Variants in MROH2B observed in about 807,000 individuals in gnomAD.
MROH2B encodes maestro heat-like repeat-containing protein family member 2B.
A neutral mutation model predicts 208.6 loss-of-function variants in MROH2B; 177 were observed. The observed-to-expected ratio is 0.85, with a 90% CI of 0.75 to 0.96. MROH2B has a LOEUF of 0.96. Among genes scored for constraint, MROH2B ranks in the 40% least tolerant of loss-of-function variants. The pLI is 0.00. For synonymous variants in MROH2B, 728 were observed against 659.0 expected, an observed-to-expected ratio of 1.10 and a Z score of -1.60; for missense variants, 2,002 against 1,878.7, an observed-to-expected ratio of 1.07 and a Z score of -1.21.
At chr5:41,021,313 C>G (rs777898476) in intron 24 of MROH2B, among the ~76,000 whole-genome samples, 1 of 152,134 alleles carries the variant, frequency 6.6e-6, no homozygotes, top group Non-Finnish European at 1.5e-5. Flanking sequence ...GAATGACATC[C>G]TTTGTTCACG....
intron 37 of MROH2B, among the ~76,000 whole-genome samples, chr5:41,001,473 A>G (rs1396740201): frequency 2.6e-5 from 4 of 152,080 alleles, no homozygotes; most frequent in Non-Finnish European, 4.4e-5. Flanking sequence ...GCACTTTGGG[A>G]GCAGAGGCAG....
At chr5:41,051,126 C>T in intron 12 of MROH2B, 36 bp from the exon 13 acceptor site, 1 of 1,395,186 alleles carries the variant, frequency 7.2e-7, no homozygotes, top group South Asian at 1.6e-5. Context: ...TTGTTAATGA[C>T]TCCTAAGGTT....
At chr5:41,062,604 T>C (rs140223452) in intron 5 of MROH2B, among the ~76,000 whole-genome samples, 1 of 152,344 alleles carries the variant, frequency 6.6e-6, no homozygotes, top group East Asian at 1.9e-4. Context: ...AATAATAATA[T>C]TATTTTCTTC....
intron 20 of MROH2B, 108 bp from the exon 21 acceptor site, chr5:41,038,996 C>T: frequency 2.0e-6 from 2 of 993,868 alleles, no homozygotes; most frequent in East Asian, 2.4e-5. Flanking sequence ...AGAAACTGGA[C>T]TGGGATGATT....
chr5:41,051,119 T>C (rs202214517), intron 12 of MROH2B, 29 bp from the exon 13 acceptor site: 157 of 1,445,344 alleles, frequency 1.1e-4, no homozygotes, highest in Non-Finnish European at 1.3e-4. Context: ...AGGTGACTTG[T>C]TAATGACTCC....
At chr5:41,027,349 T>C (rs929032971) in intron 24 of MROH2B, among the ~76,000 whole-genome samples, 2 of 151,796 alleles carry the variant, frequency 1.3e-5, no homozygotes, top group Non-Finnish European at 2.9e-5. Flanking sequence ...CAAGGAAAAA[T>C]CAAACAACCC....
chr5:41,058,651 T>C (rs905698757), intron 6 of MROH2B, among the ~76,000 whole-genome samples: 2 of 152,100 alleles, frequency 1.3e-5, no homozygotes, highest in African/African-American at 4.8e-5. Flanking sequence ...TTTTATTTTA[T>C]TTTATTGTAT....
rs1257544559 is a variant in MROH2B, at chr5:41,071,111, A to G, written c.-259T>C. On this transcript the variant is annotated 5_prime_UTR_variant, in exon 1 of 42. The change abolishes an upstream ATG in the 5' untranslated region. Transcript: ENST00000399564. ...TCCTGCTAACCAACAAAATGGCTGC[A>G]TCTCACCAAATATTGTCCCTTTGGT... The G allele has an allele frequency of 2.3e-6, 1 of 432,264 alleles. No individual in the cohort carries two copies. The highest frequency in any genetic ancestry group is 4.2e-6 in the Non-Finnish European group (1 of 240,922). 26.8% of individuals were successfully genotyped at this position (432,264 alleles called of 1,614,324 possible).
At chr5:41,032,252 A>T (rs1742595887) in intron 24 of MROH2B, among the ~76,000 whole-genome samples, 1 of 152,030 alleles carries the variant, frequency 6.6e-6, no homozygotes. Context: ...AGTTTTTAGT[A>T]ATAGCCATTC....
intron 24 of MROH2B, among the ~76,000 whole-genome samples, chr5:41,031,831 T>C (rs1742581261): frequency 6.6e-6 from 1 of 152,110 alleles, no homozygotes; most frequent in African/African-American, 2.4e-5. Context: ...AAATTAGTGG[T>C]ATTTGGTTTT....
rs1230632961 is a variant in MROH2B at position 41,067,148 on chromosome 5, C to T, written c.161G>A (p.Arg54Gln). Residue 54 changes from arginine to glutamine, a missense_variant, in exon 3 of 42, where the codon CGA (arginine) becomes CAA (glutamine). Coordinates refer to ENST00000399564, the MANE Select transcript of MROH2B (RefSeq NM_173489.5). ...TDILDDAIVQ[R>Q]LIYYASKDMR... ...ATCCTTAGAAGCATAATAAATCAATCGTTGGACAATTGCATCATCCAAGAT... is the reference window on the plus strand; with the variant it reads ...ATCCTTAGAAGCATAATAAATCAATTGTTGGACAATTGCATCATCCAAGAT... 9.6e-6 allele frequency: 15 copies of T among 1,555,604 alleles called. No homozygotes were observed. The highest frequency in any genetic ancestry group is 3.9e-5 in the Admixed American group (2 of 51,486).
At chr5:41,041,399 G>T (rs935682219) in intron 19 of MROH2B, among the ~76,000 whole-genome samples, 12 of 152,134 alleles carry the variant, frequency 7.9e-5, no homozygotes, top group Non-Finnish European at 5.9e-5. Context: ...GGCTGAGGTG[G>T]GTGGATCACC....
chr5:41,036,702 A>T (rs981524229), intron 21 of MROH2B, among the ~76,000 whole-genome samples: 3 of 152,112 alleles, frequency 2.0e-5, no homozygotes, highest in African/African-American at 7.2e-5. Context: ...GGGTAAAAAA[A>T]CCTAACTGTT....
chr5:41,046,355 C>A (rs1370169643), intron 17 of MROH2B, among the ~76,000 whole-genome samples: 3 of 152,020 alleles, frequency 2.0e-5, no homozygotes, highest in African/African-American at 7.2e-5. Flanking sequence ...ACTAAAGATT[C>A]CTGGTTTTAC....
At chr5:41,000,417 T>C (rs1741354492) in intron 38 of MROH2B, 66 bp from the exon 39 acceptor site, 6 of 1,580,948 alleles carry the variant, frequency 3.8e-6, no homozygotes, top group Non-Finnish European at 5.2e-6. Context: ...AGGGAAAAAA[T>C]GCTGAATAGT....
intron 29 of MROH2B, among the ~76,000 whole-genome samples, chr5:41,014,168 C>T (rs1056759510): frequency 6.6e-6 from 1 of 152,114 alleles, no homozygotes; most frequent in Non-Finnish European, 1.5e-5. Flanking sequence ...TTTACTGCTA[C>T]CTGTGGAAAA....
At chr5:41,037,658 C>T (rs941367931) in intron 21 of MROH2B, among the ~76,000 whole-genome samples, 3 of 152,122 alleles carry the variant, frequency 2.0e-5, no homozygotes, top group African/African-American at 7.2e-5. Flanking sequence ...GAGACACAGA[C>T]GAGAAGCTAA....
intron 28 of MROH2B, 149 bp downstream of exon 28, chr5:41,017,701 G>A (rs1742001057): frequency 2.6e-6 from 2 of 776,988 alleles, no homozygotes; most frequent in Non-Finnish European, 3.8e-6. Context: ...ATGGGGAGGG[G>A]AGAGGAGAGG....
Position 41,015,443 on chromosome 5 carries a change from G to A in MROH2B, c.2920C>T (p.Gln974Ter). Residue 974 changes from glutamine to a stop codon, truncating the protein, a stop_gained, in exon 29 of 42, where the codon CAG becomes TAG. Coordinates refer to ENST00000399564, the MANE Select transcript of MROH2B (RefSeq NM_173489.5). LOFTEE classifies it high-confidence loss of function. ...ACGTCATCACTTTCCAGCCCTTCCT[G>A]CAAACCCTGCAGTCTTTCCACTTCC... ...HLEVERLQGL[Q>*]EGLESDDVQV... The A allele has an allele frequency of 1.9e-6, 3 of 1,613,496 alleles. No homozygotes were observed. Among genetic ancestry groups the A allele is most frequent in the East Asian group, 2.2e-5 (1 of 44,866 alleles).
Sources: gnomAD v4.1 joint callset for allele counts (sites outside exome capture counted in the v4.1 genomes callset) on GRCh38, gnomAD v4.1.1 for gene constraint, MANE v1.5 for transcripts, NCBI Gene and HGNC (gene_info 2026-07-23, HGNC 2026-07-21) for gene names.